The following SAMD12 variants were observed in gnomAD, a reference collection of about 807,000 sequenced individuals.
The protein encoded by SAMD12 is sterile alpha motif domain containing 12.
A neutral mutation model predicts 15.0 loss-of-function variants in SAMD12; 9 were observed. The observed-to-expected ratio is 0.60, with a 90% CI of 0.36 to 1.05. The LOEUF is 1.05. Among genes scored for constraint, SAMD12 ranks in the 50% least tolerant of loss-of-function variants. The pLI, the probability that SAMD12 is intolerant of heterozygous loss-of-function variation, is 0.01. For missense variants in SAMD12, 230 were observed against 234.2 expected (o/e 0.98, Z 0.12); for synonymous variants, 86 against 90.1 (o/e 0.96, Z 0.25).
chr8:118,160,867 G>T, the SAMD12 span, among the ~76,000 whole-genome samples: 1 of 152,096 alleles, frequency 6.6e-6, no homozygotes, highest in African/African-American at 2.4e-5. Context: ...ATGTATACAT[G>T]TGCCATGTTG....
At chr8:118,414,660 T>C (rs1821592933) in intron 3 of SAMD12, among the ~76,000 whole-genome samples, 1 of 152,176 alleles carries the variant, frequency 6.6e-6, no homozygotes, top group Non-Finnish European at 1.5e-5. Flanking sequence ...TTCTGAAGCC[T>C]AGTAAAGGAT....
At chr8:118,271,339 C>T (rs1016844396) in intron 4 of SAMD12, among the ~76,000 whole-genome samples, 2 of 152,106 alleles carry the variant, frequency 1.3e-5, no homozygotes, top group Non-Finnish European at 2.9e-5. Flanking sequence ...ATAAGGGTAA[C>T]TGTCCCCATG....
At chr8:118,245,927 T>C (rs1812680606) in intron 4 of SAMD12, among the ~76,000 whole-genome samples, 1 of 152,122 alleles carries the variant, frequency 6.6e-6, no homozygotes, top group Non-Finnish European at 1.5e-5. Context: ...GAAGGATTCA[T>C]TTACAAGAAG....
chr8:118,531,098 T>C (rs1188356537), intron 2 of SAMD12, among the ~76,000 whole-genome samples: 1 of 152,220 alleles, frequency 6.6e-6, no homozygotes, highest in East Asian at 1.9e-4. Context: ...CTTGAATTGA[T>C]TTTTGTGTAA....
At chr8:118,523,341 G>A (rs868407893) in intron 2 of SAMD12, among the ~76,000 whole-genome samples, 12 of 152,126 alleles carry the variant, frequency 7.9e-5, no homozygotes, top group Admixed American at 2.6e-4. Flanking sequence ...GAAATTGAAA[G>A]TAAGCACCAA....
intron 3 of SAMD12, among the ~76,000 whole-genome samples, chr8:118,380,773 C>T (rs1392571356): frequency 6.6e-6 from 1 of 152,130 alleles, no homozygotes; most frequent in African/African-American, 2.4e-5. Context: ...ATGGAGAAAA[C>T]CAGTTAGCAG....
At chr8:118,173,192 T>C in the SAMD12 span, among the ~76,000 whole-genome samples, 1 of 152,230 alleles carries the variant, frequency 6.6e-6, no homozygotes, top group African/African-American at 2.4e-5. Context: ...TTGCCATGCC[T>C]GAAATTTCTT....
In SAMD12 at chr8:118,476,827, T is replaced by C. The variant is rs532776630; in HGVS notation, c.193-36866A>G. 3.1e-4 allele frequency among the ~76,000 whole-genome samples: 47 copies of C among 152,288 alleles called. 1 individual carries two copies. The South Asian group carries it at 8.1e-3, about 26-fold the overall frequency. On this transcript the variant is annotated intron_variant, in intron 2 of 3. Transcript: ENST00000314727. ...GATTTCTGCCAAGTAACCTTAATGC[T>C]CAGAAAACGGCATTTGTTTCTTTAG... is the stretch of plus-strand genomic sequence containing the variant.
At chr8:118,541,411 C>T (rs1464367553) in intron 2 of SAMD12, among the ~76,000 whole-genome samples, 3 of 152,168 alleles carry the variant, frequency 2.0e-5, no homozygotes, top group South Asian at 4.1e-4. Context: ...ACTTACACAT[C>T]AGTGTTTTTA....
chr8:118,237,839 C>A (rs908737939), intron 4 of SAMD12, among the ~76,000 whole-genome samples: 1 of 152,292 alleles, frequency 6.6e-6, no homozygotes, highest in Non-Finnish European at 1.5e-5. Flanking sequence ...TGTTGCCTCT[C>A]TTCCATCTCC....
intron 3 of SAMD12, among the ~76,000 whole-genome samples, chr8:118,431,103 T>G (rs535012830): frequency 1.3e-5 from 2 of 152,308 alleles, no homozygotes; most frequent in South Asian, 4.2e-4. Context: ...TTAAGTAATC[T>G]AAGTCCACCT....
chr8:118,434,784 T>C (rs1397314873), intron 3 of SAMD12, among the ~76,000 whole-genome samples: 1 of 152,168 alleles, frequency 6.6e-6, no homozygotes, highest in Non-Finnish European at 1.5e-5. Context: ...CTTTCCAGTG[T>C]TCTAACCGTC....
chr8:118,226,489 T>C (rs1013876202), intron 4 of SAMD12, among the ~76,000 whole-genome samples: 3 of 152,212 alleles, frequency 2.0e-5, no homozygotes, highest in Admixed American at 2.0e-4. Context: ...TTCTCGTATA[T>C]TTCTTTAACA....
chr8:118,135,063 G>A, the SAMD12 span, among the ~76,000 whole-genome samples: 1 of 152,198 alleles, frequency 6.6e-6, no homozygotes, highest in Non-Finnish European at 1.5e-5. Context: ...GCTCATATAT[G>A]TGACACCAAG....
At chr8:118,319,123 G>A (rs10110489) in intron 4 of SAMD12, among the ~76,000 whole-genome samples, 2,453 of 152,164 alleles carry the variant, frequency 0.016, 31 homozygotes, top group South Asian at 0.04. Flanking sequence ...AAACCATAAG[G>A]TATAGTTCAT....
At chr8:118,587,719 C>T (rs944793232) in intron 1 of SAMD12, among the ~76,000 whole-genome samples, 2 of 152,208 alleles carry the variant, frequency 1.3e-5, no homozygotes, top group Non-Finnish European at 2.9e-5. Flanking sequence ...ATAATAGTCA[C>T]ATTGGCTCTG....
At chr8:118,390,743 A>G (rs951649826) in intron 3 of SAMD12, among the ~76,000 whole-genome samples, 2 of 152,138 alleles carry the variant, frequency 1.3e-5, no homozygotes, top group South Asian at 4.2e-4. Context: ...TTACATTTAG[A>G]TGATTAGCAG....
downstream of SAMD12, among the ~76,000 whole-genome samples, chr8:118,188,232 A>C (rs1819277475): frequency 6.6e-6 from 1 of 152,144 alleles, no homozygotes. Flanking sequence ...AGACAGGAAG[A>C]GAAGAAATAG....
chr8:118,378,790 G>T lies in SAMD12; in HGVS notation c.*627C>A. On this transcript the variant is annotated 3_prime_UTR_variant, in exon 4 of 4. Coordinates refer to ENST00000314727, the MANE Select transcript of SAMD12 (RefSeq NM_207506.3). ...ATCCAAATCTCATGTAGACATATCA[G>T]TTACATATAGTGTAACTTAAGGCTT... is the stretch of plus-strand genomic sequence containing the variant. 2.0e-6 allele frequency: 2 copies of T among 984,674 alleles called. No individual in the cohort carries two copies. The highest frequency in any genetic ancestry group is 2.4e-6 in the Non-Finnish European group (2 of 829,252). 61.0% of individuals were successfully genotyped at this position (984,674 alleles called of 1,614,324 possible). A position where few individuals can be genotyped will look rare whatever the true frequency, so the allele number is the denominator to read the frequency against.
Sources: gnomAD v4.1 joint callset for allele counts (sites outside exome capture counted in the v4.1 genomes callset) on GRCh38, gnomAD v4.1.1 for gene constraint, MANE v1.5 for transcripts, NCBI Gene and HGNC (gene_info 2026-07-23, HGNC 2026-07-21) for gene names.